Variants in CHRM3 observed in about 807,000 individuals in gnomAD.
CHRM3 encodes muscarinic acetylcholine receptor M3.
A neutral mutation model predicts 41.8 loss-of-function variants in CHRM3; 11 were observed. The ratio of observed to expected loss-of-function variants is 0.26; its 90% confidence interval spans 0.17 to 0.44. CHRM3 has a LOEUF of 0.44. CHRM3 is among the 20% of genes least tolerant of loss of function. The probability of loss-of-function intolerance (pLI) is 1.00; values close to 1 mark genes in which losing one functional copy is unlikely to be tolerated. For missense variants in CHRM3, 571 were observed against 745.4 expected (o/e 0.77, Z 2.72); for synonymous variants, 297 against 301.4 (o/e 0.99, Z 0.15).
At chr1:239,389,834 G>A (rs1369113193) in intron 1 of CHRM3, among the ~76,000 whole-genome samples, 1 of 152,168 alleles carries the variant, frequency 6.6e-6, no homozygotes, top group African/African-American at 2.4e-5. Flanking sequence ...TGGCCTGGAC[G>A]ATTCCAGTGT....
Position 239,818,465 on chromosome 1 carries a change from T to C in CHRM3, c.-146-8787T>C, listed in dbSNP as rs113225479. ...GCTTCCTCCACTCCCTGGAAGCTCCTTGGTGTCCAGTCTTTAAAGCATATG... is the reference window on the plus strand; with the variant it reads ...GCTTCCTCCACTCCCTGGAAGCTCCCTGGTGTCCAGTCTTTAAAGCATATG... On this transcript the variant is annotated intron_variant, in intron 5 of 6. Transcript: ENST00000676153. Among the ~76,000 whole-genome samples, 589 of 152,306 alleles carry C rather than the reference T, an allele frequency of 3.9e-3. 8 individuals are homozygous for C. Among genetic ancestry groups the C allele is most frequent in the African/African-American group, 0.014 (575 of 41,564 alleles).
intron 4 of CHRM3, among the ~76,000 whole-genome samples, chr1:239,637,351 C>G (rs565811787): frequency 2.5e-4 from 38 of 151,888 alleles, no homozygotes; most frequent in African/African-American, 8.9e-4. Context: ...CAGTATTTCA[C>G]GTTAAAAATT....
chr1:239,788,229 C>T (rs183731523), intron 5 of CHRM3, among the ~76,000 whole-genome samples: 1 of 151,982 alleles, frequency 6.6e-6, no homozygotes, highest in Non-Finnish European at 1.5e-5. Context: ...GAGTGAGACC[C>T]CCCAACTCAA....
At chr1:239,867,157 G>C (rs1572535034) in intron 6 of CHRM3, among the ~76,000 whole-genome samples, 1 of 152,198 alleles carries the variant, frequency 6.6e-6, no homozygotes, top group East Asian at 1.9e-4. Context: ...ATAATCTGGA[G>C]AGACATTTCT....
chr1:239,740,997 G>A (rs1337740071), intron 5 of CHRM3, among the ~76,000 whole-genome samples: 1 of 151,968 alleles, frequency 6.6e-6, no homozygotes, highest in African/African-American at 2.4e-5. Flanking sequence ...TTTTCCTTAT[G>A]TATTCATATA....
chr1:239,413,070 C>T (rs562476361), intron 1 of CHRM3, among the ~76,000 whole-genome samples: 96 of 138,498 alleles, frequency 6.9e-4, no homozygotes, highest in Non-Finnish European at 1.3e-3. Flanking sequence ...GAGCGAGACT[C>T]CATGTCAAAA....
At chr1:239,425,961 T>C (rs1662334078) in intron 1 of CHRM3, among the ~76,000 whole-genome samples, 1 of 152,142 alleles carries the variant, frequency 6.6e-6, no homozygotes, top group African/African-American at 2.4e-5. Context: ...GTTGTTCACA[T>C]CTTTTTTTTC....
At chr1:239,470,445 C>A (rs555977495) in intron 1 of CHRM3, among the ~76,000 whole-genome samples, 1 of 152,258 alleles carries the variant, frequency 6.6e-6, no homozygotes, top group Non-Finnish European at 1.5e-5. Flanking sequence ...AATTCACACC[C>A]CCCCACTCTT....
chr1:239,453,082 G>C (rs1664677555), intron 1 of CHRM3, among the ~76,000 whole-genome samples: 1 of 152,200 alleles, frequency 6.6e-6, no homozygotes, highest in Admixed American at 6.5e-5. Context: ...TTACAGGCGC[G>C]AGCCACCGCG....
At chr1:239,873,961 T>C (rs74149264) in intron 6 of CHRM3, among the ~76,000 whole-genome samples, 10,123 of 152,054 alleles carry the variant, frequency 0.067, 1,031 homozygotes, top group African/African-American at 0.22. Flanking sequence ...ATGAGGACTG[T>C]CATGGATTTC....
At position 239,531,808 on chromosome 1, in the gene CHRM3, C is replaced by T. The variant is rs537368103; in HGVS notation, c.-421-13833C>T. Among the ~76,000 whole-genome samples the T allele has an allele frequency of 2.5e-3, 366 of 144,840 alleles. 3 individuals are homozygous for T. Among genetic ancestry groups the T allele is most frequent in the Non-Finnish European group, 2.2e-3 (146 of 65,918 alleles). On this transcript the variant is annotated intron_variant, in intron 2 of 6. Coordinates refer to ENST00000676153, the MANE Select transcript of CHRM3 (RefSeq NM_001375978.1). ...CCGAGTAGCTGGGACCACAGGCACC[C>T]GCCACCACACCCGGCTAATTTTTTG...
chr1:239,877,890 C>CT (rs576152253), intron 6 of CHRM3, among the ~76,000 whole-genome samples: 223 of 138,956 alleles, frequency 1.6e-3, no homozygotes, highest in Middle Eastern at 3.8e-3. Context: ...TTATTTCTTT[C>CT]TTTTTTTTTT....
intron 5 of CHRM3, among the ~76,000 whole-genome samples, chr1:239,807,861 C>T (rs145129751): frequency 6.6e-6 from 1 of 152,070 alleles, no homozygotes; most frequent in African/African-American, 2.4e-5. Flanking sequence ...CACACACACG[C>T]ACACATATCC....
intron 1 of CHRM3, among the ~76,000 whole-genome samples, chr1:239,400,866 T>C (rs1322265487): frequency 1.3e-5 from 2 of 152,170 alleles, no homozygotes; most frequent in Non-Finnish European, 2.9e-5. Context: ...ATAGAAATTG[T>C]TATTATCTTT....
At chr1:239,446,047 C>T (rs918215100) in intron 1 of CHRM3, among the ~76,000 whole-genome samples, 1 of 152,086 alleles carries the variant, frequency 6.6e-6, no homozygotes, top group African/African-American at 2.4e-5. Flanking sequence ...AAGCAATTCT[C>T]CTGCCTCAGC....
At chr1:239,393,809 G>A (rs1477347801) in intron 1 of CHRM3, among the ~76,000 whole-genome samples, 8 of 152,140 alleles carry the variant, frequency 5.3e-5, no homozygotes, top group Admixed American at 5.2e-4. Flanking sequence ...AACCCAGGTA[G>A]TATTTATTTT....
intron 1 of CHRM3, among the ~76,000 whole-genome samples, chr1:239,422,656 A>C (rs1370938369): frequency 6.6e-6 from 1 of 151,888 alleles, no homozygotes; most frequent in Non-Finnish European, 1.5e-5. Flanking sequence ...TTAGCCAGGC[A>C]TGGTGGCGTG....
At chr1:239,808,498 C>A (rs12077627) in intron 5 of CHRM3, among the ~76,000 whole-genome samples, 1 of 151,876 alleles carries the variant, frequency 6.6e-6, no homozygotes, top group African/African-American at 2.4e-5. Context: ...CACTCCTGTG[C>A]GAGTGATCTT....
chr1:239,591,498 G>A (rs1000981077), intron 3 of CHRM3, among the ~76,000 whole-genome samples: 3 of 151,872 alleles, frequency 2.0e-5, no homozygotes, highest in South Asian at 2.1e-4. Flanking sequence ...CCATCTTAAC[G>A]TGCTAAAGCA....
Sources: gnomAD v4.1 joint callset for allele counts (sites outside exome capture counted in the v4.1 genomes callset) on GRCh38, gnomAD v4.1.1 for gene constraint, MANE v1.5 for transcripts, NCBI Gene and HGNC (gene_info 2026-07-23, HGNC 2026-07-21) for gene names.